Variants in CUBN observed in about 807,000 individuals in gnomAD.
The protein encoded by CUBN is cubilin.
In CUBN, 282 loss-of-function variants were observed where a neutral mutation model predicts 405.3. The observed-to-expected ratio is 0.70, with a 90% CI of 0.63 to 0.77. CUBN has a LOEUF of 0.77. CUBN is among the 30% of genes least tolerant of loss of function. The probability of loss-of-function intolerance (pLI) is 0.00; values close to 1 mark genes in which losing one functional copy is unlikely to be tolerated. For missense variants in CUBN, 4,514 were observed against 4,475.2 expected (o/e 1.01, Z -0.25); for synonymous variants, 1,684 against 1,617.0 (o/e 1.04, Z -0.99).
intron 14 of CUBN, among the ~76,000 whole-genome samples, chr10:17,097,221 A>G (rs1836395343): frequency 6.6e-6 from 1 of 152,108 alleles, no homozygotes; most frequent in Non-Finnish European, 1.5e-5. Flanking sequence ...TAAAAAAGAT[A>G]ACATAAATTA....
chr10:17,082,447 G>A (rs930841552), intron 17 of CUBN, among the ~76,000 whole-genome samples: 4 of 152,246 alleles, frequency 2.6e-5, no homozygotes, highest in East Asian at 1.9e-4. Flanking sequence ...TCATGGAACC[G>A]CTCACTGAAA....
intron 58 of CUBN, 56 bp downstream of exon 58, chr10:16,874,318 C>T: frequency 6.3e-7 from 1 of 1,590,322 alleles, no homozygotes; most frequent in South Asian, 1.1e-5. Context: ...ACGAATGGCT[C>T]TTCTATAAAT....
chr10:16,876,382 G>GAGAAA (rs1353447349), intron 57 of CUBN, among the ~76,000 whole-genome samples: 4 of 152,204 alleles, frequency 2.6e-5, no homozygotes, highest in South Asian at 2.1e-4. Context: ...CTTTGATGCA[G>GAGAAA]AGAAGTTGTA....
At chr10:16,873,724 A>AG (rs1256681427) in intron 58 of CUBN, among the ~76,000 whole-genome samples, 1 of 150,214 alleles carries the variant, frequency 6.7e-6, no homozygotes, top group Non-Finnish European at 1.5e-5. Flanking sequence ...CTTCTCTCAA[A>AG]AAAAAAAAAA....
intron 36 of CUBN, among the ~76,000 whole-genome samples, chr10:16,946,693 G>A (rs528223577): frequency 9.3e-4 from 141 of 151,824 alleles, no homozygotes; most frequent in African/African-American, 3.1e-3. Context: ...ACGGGGTTTC[G>A]TCATGTTGGC....
intron 43 of CUBN, among the ~76,000 whole-genome samples, chr10:16,924,491 C>T (rs1842124268): frequency 6.6e-6 from 1 of 152,072 alleles, no homozygotes; most frequent in African/African-American, 2.4e-5. Context: ...TGCAATAAAA[C>T]ATATGATTTC....
chr10:17,122,735 G>T, intron 6 of CUBN, 60 bp downstream of exon 6: 1 of 962,680 alleles, frequency 1.0e-6, no homozygotes, highest in Non-Finnish European at 1.7e-6. Context: ...TCTTAACTAT[G>T]GGATGTTTTA....
Position 16,915,411 on chromosome 10 carries a change from G to C in CUBN, c.7211-239C>G, listed in dbSNP as rs549271646. On this transcript the variant is annotated intron_variant, in intron 46 of 66. Transcript: ENST00000377833. ...AGGATATCTCAGCACAATGAGGAAG[G>C]CTTGCTCATTTGGTTGAAAAAATGA... Among the ~76,000 whole-genome samples the C allele has an allele frequency of 2.6e-5, 4 of 152,270 alleles. No individual in the cohort carries two copies. In the East Asian group the frequency reaches 5.8e-4, roughly 22 times the overall value.
chr10:16,982,728 A>G, intron 30 of CUBN, 75 bp from the exon 31 acceptor site: 1 of 1,289,252 alleles, frequency 7.8e-7, no homozygotes, highest in Non-Finnish European at 1.1e-6. Context: ...CTGGTTGTAT[A>G]GATCAATACA....
chr10:16,903,872 A>G (rs914786974), intron 51 of CUBN, 94 bp downstream of exon 51: 3 of 913,356 alleles, frequency 3.3e-6, no homozygotes, highest in Non-Finnish European at 3.2e-6. Flanking sequence ...AGCTATGTAG[A>G]AATAAATCTA....
intron 31 of CUBN, among the ~76,000 whole-genome samples, chr10:16,963,211 T>TTTTTTC (rs1843288340): frequency 7.5e-6 from 1 of 132,810 alleles, no homozygotes; most frequent in South Asian, 2.5e-4. Flanking sequence ...TTTTTTTTTT[T>TTTTTTC]TGAGACAGAG....
Position 16,907,509 on chromosome 10 carries a change from T to C in CUBN, c.7704A>G (p.Ala2568=). The change falls in exon 49 of 67, where the codon GCA becomes GCG. Residue 2568 remains alanine (A), a splice_region_variant and synonymous_variant. Transcript: ENST00000377833. ...GGCATTTACAACATCCTACATTACC[T>C]GCATCTTCACTGGAGGTATAGGAAG... is the stretch of plus-strand genomic sequence containing the variant. ...FTASYTSSED[A]VCGGSLPNTP... The C allele has an allele frequency of 6.2e-7, 1 of 1,614,088 alleles. No homozygotes were observed. The highest frequency in any genetic ancestry group is 8.5e-7 in the Non-Finnish European group (1 of 1,179,990).
chr10:16,918,230 C>T (rs529986268), intron 45 of CUBN, among the ~76,000 whole-genome samples: 2 of 152,252 alleles, frequency 1.3e-5, no homozygotes, highest in South Asian at 2.1e-4. Context: ...TATTGTGATG[C>T]CCCTAGCTTT....
At chr10:16,832,850 C>A (rs1246070061) in intron 64 of CUBN, among the ~76,000 whole-genome samples, 1 of 152,154 alleles carries the variant, frequency 6.6e-6, no homozygotes, top group Admixed American at 6.5e-5. Flanking sequence ...TCCGTTCCCA[C>A]CGCAGTTCAC....
chr10:16,900,705 T>C lies in CUBN; in HGVS notation c.8330A>G (p.Asn2777Ser), dbSNP rs757561186. Reference sequence around the variant, plus strand: ...TGAGTTAAAAGTCACGACCAGCTGATTGGAACCTGACTGTATTGTCCTGGG... The same window carrying C: ...TGAGTTAAAAGTCACGACCAGCTGACTGGAACCTGACTGTATTGTCCTGGG... ...SNPRTIQSGSNQLVVTFNSDH... is the reference protein window; with the variant it reads ...SNPRTIQSGSSQLVVTFNSDH... The change falls in exon 53 of 67, where the codon AAT becomes AGT. Residue 2777 changes from asparagine (N) to serine (S), a missense_variant. Transcript: ENST00000377833. 91 of 1,614,092 alleles carry C rather than the reference T, an allele frequency of 5.6e-5. No homozygotes were observed. The highest frequency in any genetic ancestry group is 3.1e-4 in the South Asian group (28 of 91,094).
chr10:17,051,299 T>G (rs557580134), intron 22 of CUBN, among the ~76,000 whole-genome samples: 14 of 152,002 alleles, frequency 9.2e-5, no homozygotes, highest in Non-Finnish European at 1.9e-4. Context: ...AGGTGGAGCT[T>G]GCGGTGAGCC....
At chr10:17,105,422 G>C in intron 11 of CUBN, 35 bp downstream of exon 11, 1 of 1,160,146 alleles carries the variant, frequency 8.6e-7, no homozygotes, top group East Asian at 2.3e-5. Flanking sequence ...TAATTCTCAG[G>C]TACTCTCTGT....
At chr10:16,878,936 A>T (rs1360397493) in intron 56 of CUBN, among the ~76,000 whole-genome samples, 1 of 152,150 alleles carries the variant, frequency 6.6e-6, no homozygotes, top group African/African-American at 2.4e-5. Context: ...TTTTATAGTG[A>T]TAGCACATGT....
chr10:17,002,176 T>A (rs1833909545), intron 28 of CUBN, among the ~76,000 whole-genome samples: 1 of 152,220 alleles, frequency 6.6e-6, no homozygotes, highest in African/African-American at 2.4e-5. Context: ...GTCACATTTG[T>A]TCTGAGTTGG....
Sources: allele counts gnomAD v4.1 joint callset (sites outside exome capture counted in the v4.1 genomes callset), GRCh38; gene constraint gnomAD v4.1.1; transcripts MANE v1.5; gene names NCBI Gene and HGNC (gene_info 2026-07-23, HGNC 2026-07-21).